DLG2: variants seen among roughly 807,000 people sequenced by gnomAD.
DLG2 encodes the protein discs large MAGUK scaffold protein 2.
A neutral mutation model predicts 132.5 loss-of-function variants in DLG2; 45 were observed. The observed-to-expected ratio is 0.34, with a 90% confidence interval of 0.27 to 0.44. The LOEUF (loss-of-function observed/expected upper bound fraction) is 0.44, where lower values mean the gene tolerates loss of function less well. Ranked by LOEUF, DLG2 falls within the 20% of genes least tolerant of loss-of-function variation. DLG2 has a pLI of 1.00. For synonymous variants in DLG2, 424 were observed against 419.6 expected (o/e 1.01, Z -0.13); for missense variants, 1,045 against 1,196.9 (o/e 0.87, Z 1.87).
chr11:85,459,331 C>T (rs758366310), intron 3 of DLG2, among the ~76,000 whole-genome samples: 2 of 151,996 alleles, frequency 1.3e-5, no homozygotes, highest in African/African-American at 2.4e-5. Flanking sequence ...AGTGGGGGTT[C>T]GAGTGCTCAC....
intron 18 of DLG2, among the ~76,000 whole-genome samples, chr11:83,750,814 T>C (rs1271009985): frequency 6.6e-6 from 1 of 152,208 alleles, no homozygotes; most frequent in Non-Finnish European, 1.5e-5. Flanking sequence ...CTTTAGGACT[T>C]ATTGTCCCAG....
chr11:83,622,361 G>C (rs1181600828), intron 19 of DLG2, among the ~76,000 whole-genome samples: 1 of 152,174 alleles, frequency 6.6e-6, no homozygotes, highest in Non-Finnish European at 1.5e-5. Context: ...GAATTCATAG[G>C]CATAGAGCTA....
chr11:84,649,920 C>G (rs2099679516), intron 6 of DLG2, among the ~76,000 whole-genome samples: 1 of 152,174 alleles, frequency 6.6e-6, no homozygotes, highest in African/African-American at 2.4e-5. Flanking sequence ...CTAGAGATGA[C>G]TCTAGGAAGT....
At chr11:84,713,299 C>T (rs58953894) in intron 6 of DLG2, among the ~76,000 whole-genome samples, 1 of 152,058 alleles carries the variant, frequency 6.6e-6, no homozygotes, top group East Asian at 1.9e-4. Context: ...ACCTGCACCC[C>T]AATTTCTCTA....
At chr11:85,599,182 TC>T (rs1369065622) in intron 2 of DLG2, among the ~76,000 whole-genome samples, 4 of 152,072 alleles carry the variant, frequency 2.6e-5, no homozygotes, top group Admixed American at 6.6e-5. Flanking sequence ...CAGCCTTATT[TC>T]CCACTATATA....
Position 84,914,691 on chromosome 11 carries a change from G to C in DLG2, c.357+196970C>G, listed in dbSNP as rs1487228523. Among the ~76,000 whole-genome samples the C allele has an allele frequency of 2.6e-5, 4 of 152,208 alleles. No homozygotes were observed. In the South Asian group the frequency reaches 8.3e-4, roughly 32 times the overall value. On this transcript the variant is annotated intron_variant, in intron 6 of 27. Coordinates refer to ENST00000376104, the MANE Select transcript of DLG2 (RefSeq NM_001142699.3). Reference sequence around the variant, plus strand: ...CAAATGGATGCAAAGCAGTCCTTTCGAGGCACTGGCCTGTCCTAAGCATTG... The same window carrying C: ...CAAATGGATGCAAAGCAGTCCTTTCCAGGCACTGGCCTGTCCTAAGCATTG...
intron 7 of DLG2, among the ~76,000 whole-genome samples, chr11:84,380,457 T>G (rs76375873): frequency 6.6e-6 from 1 of 151,978 alleles, no homozygotes; most frequent in Non-Finnish European, 1.5e-5. Flanking sequence ...AGAAATAGCT[T>G]TGAAAACATA....
intron 11 of DLG2, among the ~76,000 whole-genome samples, chr11:83,981,789 T>C (rs1359266722): frequency 6.6e-6 from 1 of 152,234 alleles, no homozygotes; most frequent in Non-Finnish European, 1.5e-5. Flanking sequence ...CATGGCAGAA[T>C]ATCAAATCAT....
intron 6 of DLG2, among the ~76,000 whole-genome samples, chr11:84,540,321 C>A (rs1240926596): frequency 1.4e-5 from 2 of 146,814 alleles, no homozygotes; most frequent in South Asian, 2.2e-4. Context: ...CCAGAATCCA[C>A]AAAGAACTTA....
chr11:84,739,573 T>C (rs1302730015), intron 6 of DLG2, among the ~76,000 whole-genome samples: 1 of 152,194 alleles, frequency 6.6e-6, no homozygotes, highest in African/African-American at 2.4e-5. Flanking sequence ...AAGCTGCTAG[T>C]GAGGAAAGCC....
chr11:84,457,286 A>G (rs1346893366), intron 7 of DLG2, among the ~76,000 whole-genome samples: 1 of 151,148 alleles, frequency 6.6e-6, no homozygotes, highest in Non-Finnish European at 1.5e-5. Context: ...AGAAATGAAT[A>G]AGACATAGTT....
chr11:84,354,297 A>C (rs2154415608), intron 7 of DLG2, among the ~76,000 whole-genome samples: 1 of 152,256 alleles, frequency 6.6e-6, no homozygotes, highest in Non-Finnish European at 1.5e-5. Context: ...GACATTTGTT[A>C]ATTGTGTGAA....
intron 19 of DLG2, among the ~76,000 whole-genome samples, chr11:83,621,075 G>A (rs967664213): frequency 3.3e-5 from 5 of 151,894 alleles, no homozygotes; most frequent in Non-Finnish European, 5.9e-5. Flanking sequence ...AATATTTGGA[G>A]GACTTTTTCT....
intron 6 of DLG2, among the ~76,000 whole-genome samples, chr11:84,600,194 AAG>A (rs1449685006): frequency 7.3e-6 from 1 of 136,082 alleles, no homozygotes; most frequent in Non-Finnish European, 1.5e-5. Context: ...GAAAGAAAGA[AAG>A]AAAGAAAGAA....
At chr11:84,435,827 C>G (rs1157794209) in intron 7 of DLG2, among the ~76,000 whole-genome samples, 1 of 152,048 alleles carries the variant, frequency 6.6e-6, no homozygotes, top group Non-Finnish European at 1.5e-5. Flanking sequence ...ACATTTGGGT[C>G]CAGGCTTGAA....
At chr11:85,399,734 A>G (rs2087843287) in intron 3 of DLG2, among the ~76,000 whole-genome samples, 1 of 152,238 alleles carries the variant, frequency 6.6e-6, no homozygotes, top group African/African-American at 2.4e-5. Context: ...CCATATGTAG[A>G]AAGCTGAAAC....
chr11:84,354,431 T>G, intron 7 of DLG2, among the ~76,000 whole-genome samples: 1 of 152,188 alleles, frequency 6.6e-6, no homozygotes, highest in Non-Finnish European at 1.5e-5. Context: ...TGTTCAGCTT[T>G]AATTTCCTAA....
chr11:84,558,887 T>A (rs1470706541), intron 6 of DLG2, among the ~76,000 whole-genome samples: 1 of 152,182 alleles, frequency 6.6e-6, no homozygotes, highest in Non-Finnish European at 1.5e-5. Context: ...TCCAAAGACT[T>A]CAGGGTCTCC....
intron 3 of DLG2, among the ~76,000 whole-genome samples, chr11:85,356,245 T>C (rs1432984262): frequency 1.3e-5 from 2 of 152,242 alleles, no homozygotes; most frequent in Non-Finnish European, 2.9e-5. Context: ...ATTCTTTTTT[T>C]ACTCCTGCTT....
Sources: gnomAD v4.1 joint callset for allele counts (sites outside exome capture counted in the v4.1 genomes callset) on GRCh38, gnomAD v4.1.1 for gene constraint, MANE v1.5 for transcripts, NCBI Gene and HGNC (gene_info 2026-07-23, HGNC 2026-07-21) for gene names.